The following EXD3 variants were observed in gnomAD, a reference collection of about 807,000 sequenced individuals.
EXD3 encodes exonuclease 3'-5' domain containing 3.
In EXD3, 92 loss-of-function variants were observed where a neutral mutation model predicts 98.0. The observed-to-expected ratio is 0.94, with a 90% CI of 0.79 to 1.12. The LOEUF (loss-of-function observed/expected upper bound fraction) is 1.12. EXD3 is among the 50% of genes most tolerant of loss of function. The pLI is 0.00. For synonymous variants in EXD3, 569 were observed against 526.0 expected, an observed-to-expected ratio of 1.08 and a Z score of -1.12; for missense variants, 1,222 against 1,191.6, an observed-to-expected ratio of 1.03 and a Z score of -0.38.
At position 137,309,587 on chromosome 9, in the gene EXD3, C is replaced by T. The variant is rs1343018667; in HGVS notation, c.2278+20G>A. 6.5e-7 allele frequency: 1 copy of T among 1,548,800 alleles called. No individual in the cohort carries two copies. Among genetic ancestry groups the T allele is most frequent in the Non-Finnish European group, 8.7e-7 (1 of 1,145,194 alleles). On this transcript the variant is annotated intron_variant, in intron 20 of 21. Coordinates refer to ENST00000340951, the MANE Select transcript of EXD3 (RefSeq NM_017820.5). ...CATCCCAGGCCCCCCAGACCCAGTG[C>T]CTGACCCTGACACACTCACCTGAGC...
intron 8 of EXD3, among the ~76,000 whole-genome samples, chr9:137,355,524 G>GAAA (rs1347698757): frequency 4.6e-4 from 53 of 114,416 alleles, no homozygotes; most frequent in Non-Finnish European, 7.2e-4. Flanking sequence ...GGAGGAAGGA[G>GAAA]GATGGAGGAA....
chr9:137,355,423 G>A (rs1834588814), intron 8 of EXD3, among the ~76,000 whole-genome samples: 1 of 126,974 alleles, frequency 7.9e-6, no homozygotes, highest in Non-Finnish European at 1.6e-5. Context: ...AGGGAGGAAG[G>A]AGGAAGGAGG....
chr9:137,317,832 A>G (rs552541362), intron 19 of EXD3, among the ~76,000 whole-genome samples: 4 of 152,252 alleles, frequency 2.6e-5, no homozygotes, highest in African/African-American at 9.6e-5. Context: ...CCCTGGCTGG[A>G]GGGCCCGTCT....
intron 10 of EXD3, chr9:137,353,209 C>T (rs71510816): frequency 1.0e-6 from 1 of 984,094 alleles, no homozygotes; most frequent in Non-Finnish European, 1.2e-6. Context: ...CTCCTGGCCT[C>T]CAAGCCTCCA....
Position 137,395,247 on chromosome 9 carries a change from CACGCACCT to C in EXD3, c.55+48_55+55del. The C allele has an allele frequency of 1.3e-6, 2 of 1,514,556 alleles. No homozygotes were observed. The highest frequency in any genetic ancestry group is 1.8e-6 in the Non-Finnish European group (2 of 1,090,830). 93.8% of individuals were successfully genotyped at this position (1,514,556 alleles called of 1,614,324 possible). A position where few individuals can be genotyped will look rare whatever the true frequency, so the allele number is the denominator to read the frequency against. On this transcript the variant is annotated intron_variant, in intron 2 of 21. Coordinates refer to ENST00000340951, the MANE Select transcript of EXD3 (RefSeq NM_017820.5). The surrounding 1 kb of genome is among the most constrained non-coding windows in gnomAD (Gnocchi z 6.5). ...GGCGCCACCACCCCCCATGCACACC[CACGCACCT>C]CCCCCCACAGCCCCAGGGAGACTCG... is the stretch of plus-strand genomic sequence containing the variant.
intron 3 of EXD3, chr9:137,376,931 A>G (rs80099657): frequency 4.1e-5 from 6 of 145,288 alleles, no homozygotes; most frequent in Non-Finnish European, 9.0e-5. Flanking sequence ...CTCCATCTCA[A>G]AAAAAAAAAA....
chr9:137,393,267 C>T lies in EXD3; in HGVS notation c.55+2036G>A, dbSNP rs745704755. 9 of 701,962 alleles carry T rather than the reference C, an allele frequency of 1.3e-5. No homozygotes were observed. Among genetic ancestry groups the T allele is most frequent in the East Asian group, 8.0e-5 (3 of 37,284 alleles). 43.5% of individuals were successfully genotyped at this position (701,962 alleles called of 1,614,324 possible). The stretch of plus-strand genomic sequence containing the variant: ...AGGGAGAGTCAGCTCTGTGCTGAGG[C>T]GAACCCAGGGTCCCATGCGCTCCCC... On this transcript the variant is annotated intron_variant, in intron 2 of 21. Transcript: ENST00000340951. The surrounding 1 kb of genome is among the most constrained non-coding windows in gnomAD (Gnocchi z 4.6).
At chr9:137,327,376 G>A (rs542259002) in intron 17 of EXD3, among the ~76,000 whole-genome samples, 3 of 151,972 alleles carry the variant, frequency 2.0e-5, no homozygotes, top group African/African-American at 4.8e-5. Flanking sequence ...CTTGTGATCC[G>A]CCCGCGTCGG....
intron 2 of EXD3, chr9:137,392,420 G>C (rs148273615): frequency 6.1e-6 from 1 of 162,810 alleles, no homozygotes; most frequent in African/African-American, 2.4e-5. Context: ...CCACAGACGC[G>C]GATGTCCTGC....
Position 137,307,179 on chromosome 9 carries a change from G to A in EXD3, c.2402C>T (p.Thr801Ile). The change falls in exon 22 of 22, where the codon ACA (threonine) becomes ATA (isoleucine). Residue 801 changes from threonine to isoleucine, a missense_variant. Coordinates refer to ENST00000340951, the MANE Select transcript of EXD3 (RefSeq NM_017820.5). ...WLQMADLRAE[T>I]PDMLADGTRL... Reference sequence around the variant, plus strand: ...GGTGCCGTCGGCCAGCATGTCCGGTGTCTCCGCCCGCAGGTCAGCCATCTG... The same window carrying A: ...GGTGCCGTCGGCCAGCATGTCCGGTATCTCCGCCCGCAGGTCAGCCATCTG... The A allele has an allele frequency of 6.3e-7, 1 of 1,585,778 alleles. No individual in the cohort carries two copies. Among genetic ancestry groups the A allele is most frequent in the African/African-American group, 1.3e-5 (1 of 74,418 alleles).
intron 17 of EXD3, among the ~76,000 whole-genome samples, chr9:137,337,998 A>G (rs1453433846): frequency 1.3e-5 from 2 of 152,124 alleles, no homozygotes; most frequent in Non-Finnish European, 2.9e-5. Flanking sequence ...TGTGTTAGCC[A>G]GGATGGTCTC....
rs1837428972 is a variant in EXD3, at chr9:137,400,539, GTGGATCACCTGAGGT to G, written c.-47-5150_-47-5136del. On this transcript the variant is annotated intron_variant, in intron 1 of 21. Transcript: ENST00000340951. ...CCAGCACTTTGGGAGGCCGAGGAGG[GTGGATCACCTGAGGT>G]CGGGAGTTTGAGACCAGCCTGACCA... Among the ~76,000 whole-genome samples the G allele has an allele frequency of 9.2e-5, 14 of 152,314 alleles. No individual in the cohort carries two copies. In the South Asian group the frequency reaches 2.9e-3, roughly 32 times the overall value.
chr9:137,330,623 A>ACTTC (rs1564482457), intron 17 of EXD3, among the ~76,000 whole-genome samples: 1 of 110,672 alleles, frequency 9.0e-6, no homozygotes, highest in African/African-American at 4.2e-5. Flanking sequence ...ACTACACAGG[A>ACTTC]ACTACACAGG....
At chr9:137,390,081 C>T (rs1588408038) in intron 2 of EXD3, among the ~76,000 whole-genome samples, 1 of 116,476 alleles carries the variant, frequency 8.6e-6, no homozygotes, top group East Asian at 2.7e-4. Context: ...AAGGTTGCGA[C>T]ATTGCACTCC....
rs1564504481 is a variant in EXD3, at chr9:137,353,096, GGCCTCCAA to G, written c.871-318_871-311del. On this transcript the variant is annotated intron_variant, in intron 10 of 21. Transcript: ENST00000340951. ...AGTTCAGCCCCAGCTGGCCCCTCCT[GGCCTCCAA>G]GCCTCCGCTGACCTTCCCGGCCTCC... 16 of 1,225,866 alleles carry G rather than the reference GGCCTCCAA, an allele frequency of 1.3e-5. No individual in the cohort carries two copies. The South Asian group carries it at 2.8e-4, about 21-fold the overall frequency. The allele number at this position is 1,225,866 out of a possible 1,614,324, so 75.9% of individuals were successfully genotyped here. A position where few individuals can be genotyped will look rare whatever the true frequency, so the allele number is the denominator to read the frequency against.
intron 19 of EXD3, among the ~76,000 whole-genome samples, chr9:137,314,777 C>A (rs1831554120): frequency 6.6e-6 from 1 of 152,154 alleles, no homozygotes; most frequent in Non-Finnish European, 1.5e-5. Flanking sequence ...GGGGTCGGGA[C>A]AACTGGGCCC....
Position 137,323,806 on chromosome 9 carries a change from C to T in EXD3, c.2103G>A (p.Leu701=). 6.2e-7 allele frequency: 1 copy of T among 1,612,292 alleles called. No individual in the cohort carries two copies. Among genetic ancestry groups the T allele is most frequent in the Non-Finnish European group, 8.5e-7 (1 of 1,179,758 alleles). Residue 701 remains leucine (L), a synonymous_variant, in exon 19 of 22, where the codon CTG becomes CTA. Coordinates refer to ENST00000340951, the MANE Select transcript of EXD3 (RefSeq NM_017820.5). ...CAGCCTTGGCCTGCTGCTGGGCCTT[C>T]AGGGAGCAGTCGACCGAGAGGCAGC... ...AGRCLSVDCS[L]KAQQQAKAVL...
chr9:137,349,655 C>T lies in EXD3; in HGVS notation c.1495-124G>A, dbSNP rs1468266689. ...CCCCGCCCCCTCCACCAGCGGCCCC[C>T]ACAGCAGAGACGGGGAGAAGGAGCG... On this transcript the variant is annotated intron_variant, in intron 14 of 21. Coordinates refer to ENST00000340951, the MANE Select transcript of EXD3 (RefSeq NM_017820.5). This position sits in a 1 kb window ranked among gnomAD's most constrained non-coding sequence, Gnocchi z 7.4. 2.9e-6 allele frequency: 3 copies of T among 1,047,340 alleles called. No homozygotes were observed. Among genetic ancestry groups the T allele is most frequent in the Non-Finnish European group, 3.9e-6 (3 of 762,282 alleles). The allele number at this position is 1,047,340 out of a possible 1,614,324, so 64.9% of individuals were successfully genotyped here.
rs1006782126 is a variant in EXD3, at chr9:137,373,220, G to A, written c.295-148C>T. On this transcript the variant is annotated intron_variant, in intron 4 of 21. Coordinates refer to ENST00000340951, the MANE Select transcript of EXD3 (RefSeq NM_017820.5). ...TGGTCTGCAGGGCTGGGGCACGGGA[G>A]GGGCGAGGCCGGTCTCAGCACGTGA... 6 of 1,152,250 alleles carry A rather than the reference G, an allele frequency of 5.2e-6. 1 individual carries two copies. In the African/African-American group the frequency reaches 9.3e-5, roughly 18 times the overall value. 71.4% of individuals were successfully genotyped at this position (1,152,250 alleles called of 1,614,324 possible).
Sources: allele counts gnomAD v4.1 joint callset (sites outside exome capture counted in the v4.1 genomes callset), GRCh38; gene constraint gnomAD v4.1.1; non-coding constraint Gnocchi (gnomAD v3.1); transcripts MANE v1.5; gene names NCBI Gene and HGNC (gene_info 2026-07-23, HGNC 2026-07-21).